The following LINGO2 variants were observed in gnomAD, a reference collection of about 807,000 sequenced individuals.
The protein encoded by LINGO2 is leucine rich repeat and Ig domain containing 2.
A neutral mutation model predicts 30.6 loss-of-function variants in LINGO2; 14 were observed. The observed-to-expected ratio is 0.46, with a 90% CI of 0.30 to 0.72. The LOEUF (loss-of-function observed/expected upper bound fraction) is 0.72, where lower values mean the gene tolerates loss of function less well. LINGO2 is among the 30% of genes least tolerant of loss of function. The probability of loss-of-function intolerance (pLI) is 0.07; values close to 1 mark genes in which losing one functional copy is unlikely to be tolerated. For missense variants in LINGO2, 729 were observed against 751.7 expected (o/e 0.97, Z 0.35); for synonymous variants, 317 against 288.5 (o/e 1.10, Z -1.00).
At chr9:28,479,477 G>A (rs1019001405) in intron 1 of LINGO2, among the ~76,000 whole-genome samples, 12 of 151,724 alleles carry the variant, frequency 7.9e-5, no homozygotes, top group African/African-American at 2.2e-4. Flanking sequence ...GATTACAGTC[G>A]TTATTTCCAA....
chr9:28,414,251 C>T (rs1472179433), intron 2 of LINGO2, among the ~76,000 whole-genome samples: 1 of 152,058 alleles, frequency 6.6e-6, no homozygotes, highest in African/African-American at 2.4e-5. Context: ...TTTCGTTCCA[C>T]AGTCCATGAA....
chr9:28,027,714 T>A (rs1036047176), intron 4 of LINGO2, among the ~76,000 whole-genome samples: 1 of 152,150 alleles, frequency 6.6e-6, no homozygotes, highest in Non-Finnish European at 1.5e-5. Context: ...TGCGAGGTGG[T>A]ATATAAAGTA....
At chr9:29,080,209 T>G in the LINGO2 span, among the ~76,000 whole-genome samples, 7,198 of 152,246 alleles carry the variant, frequency 0.047, 276 homozygotes, top group Admixed American at 0.065. Context: ...CCATTTCTTC[T>G]AGATTATCTA....
chr9:28,676,833 T>C, the LINGO2 span, among the ~76,000 whole-genome samples: 31 of 152,274 alleles, frequency 2.0e-4, no homozygotes, highest in African/African-American at 7.0e-4. Flanking sequence ...AAGTTAAAAA[T>C]TGTCATTGTG....
At chr9:28,456,042 C>T (rs1824833578) in intron 2 of LINGO2, among the ~76,000 whole-genome samples, 1 of 152,138 alleles carries the variant, frequency 6.6e-6, no homozygotes, top group Non-Finnish European at 1.5e-5. Context: ...TTTTTATCTT[C>T]AAACTTTGTT....
chr9:28,099,684 A>G (rs541079219), intron 4 of LINGO2, among the ~76,000 whole-genome samples: 9 of 152,316 alleles, frequency 5.9e-5, no homozygotes, highest in African/African-American at 2.2e-4. Flanking sequence ...CAAATATGAT[A>G]ATATTAGTCT....
intron 1 of LINGO2, among the ~76,000 whole-genome samples, chr9:28,558,147 A>G (rs1016792729): frequency 2.0e-5 from 3 of 150,388 alleles, no homozygotes; most frequent in Admixed American, 6.6e-5. Context: ...AAAGTATAAT[A>G]AAAATAAAAA....
In LINGO2 at chr9:28,507,853, T is replaced by C. The variant is rs191658162; in HGVS notation, c.-364-31828A>G. Among the ~76,000 whole-genome samples the C allele has an allele frequency of 5.3e-5, 8 of 152,208 alleles. No individual in the cohort carries two copies. The East Asian group carries it at 1.4e-3, about 26-fold the overall frequency. On this transcript the variant is annotated intron_variant, in intron 1 of 5. Coordinates refer to ENST00000379992, the Ensembl canonical transcript of LINGO2. ...GGGCAAATTAACTGCAAAACTAGCATAAGTAGGTTTTGATTTTTTTTCTAA... is the reference window on the plus strand; with the variant it reads ...GGGCAAATTAACTGCAAAACTAGCACAAGTAGGTTTTGATTTTTTTTCTAA...
the LINGO2 span, among the ~76,000 whole-genome samples, chr9:28,742,783 G>A: frequency 9.9e-5 from 15 of 151,346 alleles, no homozygotes; most frequent in Non-Finnish European, 2.2e-4. Flanking sequence ...TTATACCTGT[G>A]GATTTGTAAT....
At chr9:28,469,803 A>G (rs1825450702) in intron 2 of LINGO2, among the ~76,000 whole-genome samples, 1 of 152,204 alleles carries the variant, frequency 6.6e-6, no homozygotes, top group Non-Finnish European at 1.5e-5. Flanking sequence ...AACTAGACTT[A>G]CTACATATGA....
At chr9:28,803,885 T>A in the LINGO2 span, among the ~76,000 whole-genome samples, 2 of 152,102 alleles carry the variant, frequency 1.3e-5, no homozygotes, top group Admixed American at 6.6e-5. Flanking sequence ...TATTTAGTTT[T>A]ATTTATTTAT....
intron 4 of LINGO2, among the ~76,000 whole-genome samples, chr9:28,167,394 C>CT (rs1368536281): frequency 3.3e-5 from 5 of 152,030 alleles, no homozygotes; most frequent in Non-Finnish European, 2.9e-5. Flanking sequence ...TGTTTGTTTC[C>CT]TTTTGAGACA....
Position 28,298,310 on chromosome 9 carries a change from T to A in LINGO2, c.-245-2944A>T, listed in dbSNP as rs920553921. ...GAAACTCTGCTATTACTGGGATGCA[T>A]AGTATGATAACAAGATATTTTCTTT... is the stretch of plus-strand genomic sequence containing the variant. On this transcript the variant is annotated intron_variant, in intron 3 of 5. Coordinates refer to ENST00000379992, the Ensembl canonical transcript of LINGO2. Among the ~76,000 whole-genome samples, 3 of 152,056 alleles carry A rather than the reference T, an allele frequency of 2.0e-5. No homozygotes were observed. In the South Asian group the frequency reaches 6.2e-4, roughly 31 times the overall value.
At chr9:28,906,096 T>C in the LINGO2 span, among the ~76,000 whole-genome samples, 1 of 151,876 alleles carries the variant, frequency 6.6e-6, no homozygotes, top group Non-Finnish European at 1.5e-5. Flanking sequence ...ATATGGAATC[T>C]AAAAACATGG....
At chr9:28,504,791 A>G (rs113808739) in intron 1 of LINGO2, among the ~76,000 whole-genome samples, 2 of 152,032 alleles carry the variant, frequency 1.3e-5, no homozygotes, top group African/African-American at 4.8e-5. Context: ...AATAAAACTG[A>G]GAAATGAGAA....
chr9:28,149,619 C>T (rs1827930410), intron 4 of LINGO2, among the ~76,000 whole-genome samples: 1 of 150,846 alleles, frequency 6.6e-6, no homozygotes, highest in Non-Finnish European at 1.5e-5. Flanking sequence ...AGTGCCTGTG[C>T]CCGGCTGCCA....
chr9:28,596,553 C>T (rs922167505), intron 1 of LINGO2, among the ~76,000 whole-genome samples: 2 of 151,930 alleles, frequency 1.3e-5, no homozygotes, highest in African/African-American at 2.4e-5. Flanking sequence ...TATCTAATTG[C>T]TATATAGATT....
chr9:28,720,118 A>G, the LINGO2 span, among the ~76,000 whole-genome samples: 1 of 152,056 alleles, frequency 6.6e-6, no homozygotes, highest in Non-Finnish European at 1.5e-5. Context: ...CCCCTACTAA[A>G]GTACTACTAA....
intron 3 of LINGO2, among the ~76,000 whole-genome samples, chr9:28,355,433 T>C (rs989628837): frequency 6.7e-6 from 1 of 148,782 alleles, no homozygotes; most frequent in Non-Finnish European, 1.5e-5. Context: ...AAAAGTTTTT[T>C]CCCCAGAAAT....
Sources: gnomAD v4.1 joint callset for allele counts (sites outside exome capture counted in the v4.1 genomes callset) on GRCh38, gnomAD v4.1.1 for gene constraint, MANE v1.5 for transcripts, NCBI Gene and HGNC (gene_info 2026-07-23, HGNC 2026-07-21) for gene names.